The following SCN11A variants were observed in gnomAD, a reference collection of about 807,000 sequenced individuals.
The protein encoded by SCN11A is sodium channel protein type 11 subunit alpha.
SCN11A carries 122 observed loss-of-function variants against 162.2 expected under a neutral mutation model. The observed-to-expected ratio is 0.75, with a 90% confidence interval of 0.65 to 0.87. The LOEUF is 0.87. Among genes scored for constraint, SCN11A ranks in the 40% least tolerant of loss-of-function variants. The pLI, the probability that SCN11A is intolerant of heterozygous loss-of-function variation, is 0.00. For missense variants in SCN11A, 2,015 were observed against 2,181.6 expected, an observed-to-expected ratio of 0.92 and a Z score of 1.52; for synonymous variants, 758 against 751.5, an observed-to-expected ratio of 1.01 and a Z score of -0.14.
At chr3:38,963,784 C>T (rs1349719357) in intron 2 of SCN11A, among the ~76,000 whole-genome samples, 2 of 151,844 alleles carry the variant, frequency 1.3e-5, no homozygotes, top group South Asian at 2.1e-4. Flanking sequence ...GTAGACTGCT[C>T]GGGTGATATG....
chr3:39,044,065 T>C (rs1428308906), intron 1 of SCN11A, among the ~76,000 whole-genome samples: 1 of 152,134 alleles, frequency 6.6e-6, no homozygotes, highest in Non-Finnish European at 1.5e-5. Flanking sequence ...AAGCAAGAGT[T>C]TTTTACTTTA....
rs903495395 is a variant in SCN11A, at chr3:38,966,789, A to G, written c.-279-6366T>C. ...ACATCCTTCCCAGCCTCTGGTATCT[A>G]TTATTCTCCTTGGCTTCTGTGAAGC... On this transcript the variant is annotated intron_variant, in intron 2 of 29. Coordinates refer to ENST00000302328, the MANE Select transcript of SCN11A (RefSeq NM_001349253.2). Among the ~76,000 whole-genome samples the G allele has an allele frequency of 5.3e-5, 8 of 152,146 alleles. 1 individual carries two copies. The highest frequency in any genetic ancestry group is 1.9e-4 in the African/African-American group (8 of 41,416).
At chr3:38,938,926 C>G (rs2066398490) in intron 7 of SCN11A, among the ~76,000 whole-genome samples, 1 of 151,952 alleles carries the variant, frequency 6.6e-6, no homozygotes, top group South Asian at 2.1e-4. Flanking sequence ...CCTGTAATCT[C>G]AGCACTTTGG....
At chr3:39,033,522 G>A (rs959589731) in intron 1 of SCN11A, among the ~76,000 whole-genome samples, 2 of 152,252 alleles carry the variant, frequency 1.3e-5, no homozygotes, top group African/African-American at 2.4e-5. Context: ...AGACCTTGGG[G>A]GCTTGGAGAG....
chr3:38,967,162 A>G (rs557541288), intron 2 of SCN11A, among the ~76,000 whole-genome samples: 23 of 152,330 alleles, frequency 1.5e-4, no homozygotes, highest in African/African-American at 5.3e-4. Flanking sequence ...CAGAGATGCC[A>G]TGGTAACCAG....
rs1005514077 is a variant in SCN11A at position 38,846,437 on chromosome 3, T to C, written c.*257A>G. ...TGAACTATTTCAATCCTAAAATTGG[T>C]ATGTCCTTTTACAGTCCTTCCTGGT... is the stretch of plus-strand genomic sequence containing the variant. On this transcript the variant is annotated 3_prime_UTR_variant, in exon 30 of 30. Coordinates refer to ENST00000302328, the MANE Select transcript of SCN11A (RefSeq NM_001349253.2). 2 of 451,218 alleles carry C rather than the reference T, an allele frequency of 4.4e-6. No individual in the cohort carries two copies. Among genetic ancestry groups the C allele is most frequent in the Admixed American group, 3.5e-5 (1 of 28,688 alleles). 28.0% of individuals were successfully genotyped at this position (451,218 alleles called of 1,614,324 possible). A position where few individuals can be genotyped will look rare whatever the true frequency, so the allele number is the denominator to read the frequency against.
chr3:38,922,868 A>G (rs527325739), intron 9 of SCN11A, among the ~76,000 whole-genome samples: 11 of 152,302 alleles, frequency 7.2e-5, no homozygotes, highest in Non-Finnish European at 1.5e-4. Flanking sequence ...CATCAGCACA[A>G]CTAAATAGTT....
chr3:38,988,391 C>T (rs1365069968), intron 2 of SCN11A, among the ~76,000 whole-genome samples: 1 of 152,150 alleles, frequency 6.6e-6, no homozygotes, highest in Non-Finnish European at 1.5e-5. Context: ...ACCCTGTGGC[C>T]TCCATCACAA....
chr3:38,949,611 G>T (rs1314134443), intron 5 of SCN11A, among the ~76,000 whole-genome samples: 1 of 152,188 alleles, frequency 6.6e-6, no homozygotes, highest in Non-Finnish European at 1.5e-5. Flanking sequence ...TCTGGACCAT[G>T]ATATTAATCC....
chr3:39,040,769 C>T (rs2032030020), intron 1 of SCN11A, among the ~76,000 whole-genome samples: 1 of 152,138 alleles, frequency 6.6e-6, no homozygotes, highest in South Asian at 2.1e-4. Context: ...CAATAACAGA[C>T]TAGATCAAGA....
At chr3:39,008,620 G>A (rs953918346) in intron 2 of SCN11A, among the ~76,000 whole-genome samples, 5 of 152,300 alleles carry the variant, frequency 3.3e-5, no homozygotes, top group Middle Eastern at 3.4e-3. Flanking sequence ...TGGGCGCAGT[G>A]GCTCATGCCT....
intron 2 of SCN11A, among the ~76,000 whole-genome samples, chr3:39,029,882 T>A (rs891497704): frequency 6.6e-6 from 1 of 152,236 alleles, no homozygotes; most frequent in Non-Finnish European, 1.5e-5. Flanking sequence ...AGAATGCCTG[T>A]GCTTTCTATA....
intron 7 of SCN11A, among the ~76,000 whole-genome samples, chr3:38,935,837 GA>G (rs1450358314): frequency 6.6e-6 from 1 of 152,120 alleles, no homozygotes; most frequent in African/African-American, 2.4e-5. Flanking sequence ...CCAATCAATA[GA>G]AAAAGAGGGA....
intron 16 of SCN11A, among the ~76,000 whole-genome samples, chr3:38,901,441 T>G (rs1045688159): frequency 1.3e-5 from 2 of 152,216 alleles, no homozygotes; most frequent in African/African-American, 4.8e-5. Context: ...TCACTCCTCC[T>G]TCTTGTATCT....
chr3:39,049,804 C>T (rs1307911964), intron 1 of SCN11A, among the ~76,000 whole-genome samples: 5 of 152,212 alleles, frequency 3.3e-5, no homozygotes, highest in African/African-American at 1.2e-4. Flanking sequence ...GTCACTAGTT[C>T]TCCAGTCTTG....
At chr3:38,976,623 T>G (rs556528154) in intron 2 of SCN11A, among the ~76,000 whole-genome samples, 1 of 152,336 alleles carries the variant, frequency 6.6e-6, no homozygotes, top group South Asian at 2.1e-4. Context: ...TCCAAGGTAC[T>G]TCTTGTCCCA....
In SCN11A at chr3:38,900,020, A is replaced by G. The variant is rs937206706; in HGVS notation, c.1896T>C (p.Asp632=). The stretch of plus-strand genomic sequence containing the variant: ...AGCCTCGGCGAAAGTAGTGGTAGGG[A>G]TCGAGCGCAATGATTTTTAGGCACA... ...AEMCLKIIAL[D]PYHYFRRGWN... The change falls in exon 17 of 30, where the codon GAT becomes GAC. Residue 632 remains aspartate, a synonymous_variant. Coordinates refer to ENST00000302328, the MANE Select transcript of SCN11A (RefSeq NM_001349253.2). 1.2e-6 allele frequency: 2 copies of G among 1,614,016 alleles called. No individual in the cohort carries two copies. The highest frequency in any genetic ancestry group is 2.7e-5 in the African/African-American group (2 of 74,928).
At chr3:38,852,856 T>C (rs539143833) in intron 28 of SCN11A, among the ~76,000 whole-genome samples, 1 of 152,336 alleles carries the variant, frequency 6.6e-6, no homozygotes, top group East Asian at 1.9e-4. Context: ...GTTGGATTTA[T>C]CTCATGCGAC....
At chr3:38,934,690 T>A (rs1371313525) in intron 7 of SCN11A, among the ~76,000 whole-genome samples, 1 of 151,944 alleles carries the variant, frequency 6.6e-6, no homozygotes, top group Admixed American at 6.5e-5. Context: ...ATCCTAAATA[T>A]ATATGCACCC....
Sources: gnomAD v4.1 joint callset for allele counts (sites outside exome capture counted in the v4.1 genomes callset) on GRCh38, gnomAD v4.1.1 for gene constraint, MANE v1.5 for transcripts, NCBI Gene and HGNC (gene_info 2026-07-23, HGNC 2026-07-21) for gene names.